DEPTOR: variants seen among roughly 807,000 people sequenced by gnomAD.
DEPTOR encodes the protein DEP domain-containing mTOR-interacting protein.
DEPTOR carries 41 observed loss-of-function variants against 41.6 expected under a neutral mutation model. The observed-to-expected ratio is 0.98, with a 90% CI of 0.77 to 1.28. DEPTOR has a LOEUF of 1.28. Ranked by LOEUF, DEPTOR falls within the 50% of genes most tolerant of loss-of-function variation. DEPTOR has a pLI of 0.00. For synonymous variants in DEPTOR, 195 were observed against 192.3 expected, an observed-to-expected ratio of 1.01 and a Z score of -0.12; for missense variants, 514 against 527.9, an observed-to-expected ratio of 0.97 and a Z score of 0.26.
At position 120,049,392 on chromosome 8, in the gene DEPTOR, A is replaced by T. The variant is rs551242952; in HGVS notation, c.1102-184A>T. 8.4e-4 allele frequency among the ~76,000 whole-genome samples: 127 copies of T among 150,416 alleles called. No individual in the cohort carries two copies. Among genetic ancestry groups the T allele is most frequent in the Non-Finnish European group, 1.5e-3 (102 of 67,560 alleles). ...ACACTAAAACGATTTTTTTTTTTTT[A>T]AATTATACTGCCTTCCAGAAAATGT... On this transcript the variant is annotated intron_variant, in intron 8 of 8. Transcript: ENST00000286234.
At chr8:120,049,044 A>T (rs1813193313) in intron 8 of DEPTOR, among the ~76,000 whole-genome samples, 1 of 152,146 alleles carries the variant, frequency 6.6e-6, no homozygotes, top group South Asian at 2.1e-4. Flanking sequence ...GTTTACATCG[A>T]TATTACCCAC....
chr8:120,003,215 T>C (rs1396688669), intron 6 of DEPTOR, 104 bp downstream of exon 6: 3 of 1,528,480 alleles, frequency 2.0e-6, no homozygotes, highest in Non-Finnish European at 1.8e-6. Context: ...TGGGTTCTAA[T>C]AAGTTAGAGC....
At chr8:119,955,932 C>T (rs1423532753) in intron 3 of DEPTOR, among the ~76,000 whole-genome samples, 1 of 152,146 alleles carries the variant, frequency 6.6e-6, no homozygotes, top group African/African-American at 2.4e-5. Flanking sequence ...TTGGCAGCAT[C>T]TGCTTCCTCT....
intron 4 of DEPTOR, among the ~76,000 whole-genome samples, chr8:119,968,084 C>A (rs1017284986): frequency 2.6e-5 from 4 of 152,122 alleles, no homozygotes; most frequent in Non-Finnish European, 5.9e-5. Flanking sequence ...CTGGTGTGAT[C>A]CCTGACCTTA....
At chr8:119,896,989 T>C (rs1243246467) in intron 1 of DEPTOR, among the ~76,000 whole-genome samples, 1 of 152,198 alleles carries the variant, frequency 6.6e-6, no homozygotes, top group Admixed American at 6.6e-5. Context: ...CTTATACTAT[T>C]ATGTACGCCT....
intron 4 of DEPTOR, among the ~76,000 whole-genome samples, chr8:119,991,347 G>T (rs190352031): frequency 2.0e-5 from 3 of 151,658 alleles, no homozygotes; most frequent in African/African-American, 7.3e-5. Flanking sequence ...ACAGTGTCTC[G>T]CTCTGTTTCC....
chr8:119,965,084 A>G, intron 3 of DEPTOR, 148 bp from the exon 4 acceptor site: 1 of 907,722 alleles, frequency 1.1e-6, no homozygotes, highest in African/African-American at 1.7e-5. Flanking sequence ...AAAGAAAGAA[A>G]AAAGAAATTA....
chr8:120,029,394 T>G (rs748932240), intron 8 of DEPTOR, among the ~76,000 whole-genome samples: 85 of 152,060 alleles, frequency 5.6e-4, no homozygotes, highest in Non-Finnish European at 1.1e-3. Context: ...TTATTTTATT[T>G]ATTTATTTAT....
At chr8:120,046,214 G>C (rs1323530355) in intron 8 of DEPTOR, among the ~76,000 whole-genome samples, 2 of 152,110 alleles carry the variant, frequency 1.3e-5, no homozygotes, top group Admixed American at 6.5e-5. Context: ...CACATACCAT[G>C]CAATTTATCC....
At position 119,991,091 on chromosome 8, in the gene DEPTOR, T is replaced by C. The variant is rs572522993; in HGVS notation, c.605-10434T>C. ...CTTTCTTTCTTTCTTTCTTTCTTTT[T>C]CTTTCTTTCTTTCTTTCTTTCTTTC... On this transcript the variant is annotated intron_variant, in intron 4 of 8. Transcript: ENST00000286234. Among the ~76,000 whole-genome samples the C allele has an allele frequency of 4.1e-5, 5 of 123,334 alleles. No individual in the cohort carries two copies. The South Asian group carries it at 1.3e-3, about 31-fold the overall frequency. The allele number at this position is 123,334 out of a possible 152,430, so 80.9% of individuals were successfully genotyped here.
chr8:120,011,752 A>G lies in DEPTOR; in HGVS notation c.1101+2619A>G, dbSNP rs1277641258. On this transcript the variant is annotated intron_variant, in intron 8 of 8. Transcript: ENST00000286234. ...CGTTCTGGGCATTGTCAACTCATTAACTAACTCTTTAACGTATATTCCCTG... is the reference window on the plus strand; with the variant it reads ...CGTTCTGGGCATTGTCAACTCATTAGCTAACTCTTTAACGTATATTCCCTG... 2.0e-5 allele frequency among the ~76,000 whole-genome samples: 3 copies of G among 152,214 alleles called. No individual in the cohort carries two copies. The East Asian group carries it at 5.8e-4, about 29-fold the overall frequency.
chr8:120,029,282 G>A (rs181265955), intron 8 of DEPTOR, among the ~76,000 whole-genome samples: 1 of 152,222 alleles, frequency 6.6e-6, no homozygotes, highest in Non-Finnish European at 1.5e-5. Flanking sequence ...TTGGGCAACG[G>A]ACATTTTTTT....
chr8:119,874,805 G>A (rs1268489046), intron 1 of DEPTOR, among the ~76,000 whole-genome samples: 3 of 152,246 alleles, frequency 2.0e-5, no homozygotes, highest in Non-Finnish European at 2.9e-5. Context: ...AGGGCTGTTT[G>A]GGAATAGTAC....
At chr8:119,985,379 C>T (rs548142931) in intron 4 of DEPTOR, among the ~76,000 whole-genome samples, 1 of 152,022 alleles carries the variant, frequency 6.6e-6, no homozygotes, top group South Asian at 2.1e-4. Context: ...TCTTCATATC[C>T]CTCACCTACT....
intron 6 of DEPTOR, among the ~76,000 whole-genome samples, chr8:120,006,426 A>G (rs1812438338): frequency 1.3e-5 from 2 of 151,964 alleles, no homozygotes; most frequent in African/African-American, 4.8e-5. Flanking sequence ...CAGGAGGCTG[A>G]GGCAGGAGAA....
intron 8 of DEPTOR, among the ~76,000 whole-genome samples, chr8:120,032,483 A>G (rs921237241): frequency 1.3e-5 from 2 of 152,220 alleles, no homozygotes; most frequent in Middle Eastern, 3.4e-3. Flanking sequence ...TGCCTCCCAA[A>G]GTGCTGGGAT....
rs751123606 is a variant in DEPTOR, at chr8:119,906,803, C to G, written c.123-21597C>G. Among the ~76,000 whole-genome samples, 4 of 152,174 alleles carry G rather than the reference C, an allele frequency of 2.6e-5. No homozygotes were observed. The East Asian group carries it at 7.7e-4, about 29-fold the overall frequency. On this transcript the variant is annotated intron_variant, in intron 1 of 8. Coordinates refer to ENST00000286234, the MANE Select transcript of DEPTOR (RefSeq NM_022783.4). ...AGGACACCAGAGCTTTGATTTTGAG[C>G]TCTAGCCCTCACTGTTTATCTTAGG...
intron 4 of DEPTOR, among the ~76,000 whole-genome samples, chr8:119,987,766 C>A (rs1014537231): frequency 3.9e-5 from 6 of 152,192 alleles, no homozygotes; most frequent in Non-Finnish European, 8.8e-5. Flanking sequence ...GTTTGCATAG[C>A]TGTGGTGGGC....
intron 1 of DEPTOR, among the ~76,000 whole-genome samples, chr8:119,926,465 A>T (rs1234835581): frequency 6.6e-6 from 1 of 152,230 alleles, no homozygotes; most frequent in Non-Finnish European, 1.5e-5. Context: ...GAAAATGCAG[A>T]GTGCCCTCTA....
Sources: gnomAD v4.1 joint callset for allele counts (sites outside exome capture counted in the v4.1 genomes callset) on GRCh38, gnomAD v4.1.1 for gene constraint, MANE v1.5 for transcripts, NCBI Gene and HGNC (gene_info 2026-07-23, HGNC 2026-07-21) for gene names.